The following MAP2 variants were observed in gnomAD, a reference collection of about 807,000 sequenced individuals.
MAP2 encodes microtubule-associated protein 2.
In MAP2, 14 loss-of-function variants were observed where a neutral mutation model predicts 137.6. The observed-to-expected ratio is 0.10, with a 90% CI of 0.07 to 0.16. The LOEUF (loss-of-function observed/expected upper bound fraction) is 0.16, where lower values mean the gene tolerates loss of function less well. Among genes scored for constraint, MAP2 ranks in the 10% least tolerant of loss-of-function variants. The pLI, the probability that MAP2 is intolerant of heterozygous loss-of-function variation, is 1.00. For missense variants in MAP2, 2,088 were observed against 2,191.5 expected (o/e 0.95, Z 0.94); for synonymous variants, 786 against 782.3 (o/e 1.00, Z -0.08).
chr2:209,652,171 C>A (rs532577792), intron 4 of MAP2, among the ~76,000 whole-genome samples: 1 of 152,142 alleles, frequency 6.6e-6, no homozygotes, highest in African/African-American at 2.4e-5. Context: ...GTAATATCAG[C>A]TTGTAAGAGA....
At chr2:209,633,924 A>C (rs755942778) in intron 4 of MAP2, among the ~76,000 whole-genome samples, 6 of 152,168 alleles carry the variant, frequency 3.9e-5, no homozygotes, top group Non-Finnish European at 7.3e-5. Flanking sequence ...CAGGAAAAGG[A>C]GGGCTTTCAC....
chr2:209,544,278 T>G (rs950353235), intron 2 of MAP2, among the ~76,000 whole-genome samples: 1 of 151,844 alleles, frequency 6.6e-6, no homozygotes, highest in South Asian at 2.1e-4. Context: ...TTAGTTTTTG[T>G]TTTGTTTTGT....
At chr2:209,451,220 T>C (rs1700223524) in intron 1 of MAP2, among the ~76,000 whole-genome samples, 1 of 152,192 alleles carries the variant, frequency 6.6e-6, no homozygotes, top group Non-Finnish European at 1.5e-5. Context: ...TAATCTTCAT[T>C]TGCTCATCAC....
intron 1 of MAP2, among the ~76,000 whole-genome samples, chr2:209,472,583 T>G (rs779326175): frequency 3.7e-4 from 57 of 152,290 alleles, no homozygotes; most frequent in South Asian, 1.0e-3. Context: ...ATCAAAGTAC[T>G]GACAAAGGCT....
At chr2:209,594,151 A>T (rs2080569035) in intron 3 of MAP2, among the ~76,000 whole-genome samples, 1 of 148,482 alleles carries the variant, frequency 6.7e-6, no homozygotes, top group African/African-American at 2.5e-5. Context: ...AAAAAAAAAA[A>T]AAAGCAGGCA....
intron 2 of MAP2, among the ~76,000 whole-genome samples, chr2:209,514,659 T>A (rs288049): frequency 0.45 from 68,736 of 151,532 alleles, 16,752 homozygotes; most frequent in African/African-American, 0.64. Context: ...AAAATAAAAT[T>A]AATGAATTTC....
intron 1 of MAP2, among the ~76,000 whole-genome samples, chr2:209,476,753 A>G (rs2149780200): frequency 6.6e-6 from 1 of 152,358 alleles, no homozygotes; most frequent in East Asian, 1.9e-4. Context: ...GCTTTTGAAT[A>G]TAATCCGTCT....
intron 1 of MAP2, among the ~76,000 whole-genome samples, chr2:209,438,057 G>A (rs1696794373): frequency 6.6e-6 from 1 of 151,590 alleles, no homozygotes. Context: ...GCATGAGACT[G>A]TACTATTGTT....
At chr2:209,616,158 C>T (rs2089277498) in intron 3 of MAP2, among the ~76,000 whole-genome samples, 1 of 152,056 alleles carries the variant, frequency 6.6e-6, no homozygotes, top group Admixed American at 6.5e-5. Flanking sequence ...ACAGAGGTAC[C>T]AGCTATAACA....
chr2:209,483,635 C>T (rs1467904057), intron 1 of MAP2, among the ~76,000 whole-genome samples: 2 of 152,008 alleles, frequency 1.3e-5, no homozygotes, highest in African/African-American at 4.8e-5. Context: ...TGTATTTTGT[C>T]GATATAGTCT....
Position 209,480,637 on chromosome 2 carries a change from T to C in MAP2, c.-221-26955T>C, listed in dbSNP as rs191491626. On this transcript the variant is annotated intron_variant, in intron 1 of 15. Coordinates refer to ENST00000682079, the MANE Select transcript of MAP2 (RefSeq NM_001375505.1). ...AACATGATGCTGCTTTATGTATCAG[T>C]CATTTTGTGTTGTTTGAGGTTAATA... Among the ~76,000 whole-genome samples the C allele has an allele frequency of 1.5e-4, 23 of 152,276 alleles. No homozygotes were observed. In the East Asian group the frequency reaches 3.9e-3, roughly 26 times the overall value.
intron 7 of MAP2, among the ~76,000 whole-genome samples, chr2:209,683,044 A>T (rs1290162705): frequency 6.6e-6 from 1 of 152,116 alleles, no homozygotes; most frequent in African/African-American, 2.4e-5. Context: ...CTTACTCTAT[A>T]TGGGATTTGG....
At chr2:209,495,841 C>G (rs2059689510) in intron 1 of MAP2, among the ~76,000 whole-genome samples, 1 of 152,144 alleles carries the variant, frequency 6.6e-6, no homozygotes, top group African/African-American at 2.4e-5. Flanking sequence ...CTCTAGCCTT[C>G]ATAAAACAAA....
At chr2:209,619,144 G>A (rs1012085940) in intron 3 of MAP2, among the ~76,000 whole-genome samples, 2 of 152,128 alleles carry the variant, frequency 1.3e-5, no homozygotes, top group Non-Finnish European at 2.9e-5. Flanking sequence ...GTATGCTGGG[G>A]AGATGTTGCT....
At chr2:209,571,025 A>G (rs2153372298) in intron 2 of MAP2, among the ~76,000 whole-genome samples, 1 of 152,076 alleles carries the variant, frequency 6.6e-6, no homozygotes, top group African/African-American at 2.4e-5. Context: ...TTTATTTACT[A>G]AAAGCCAATG....
intron 3 of MAP2, among the ~76,000 whole-genome samples, chr2:209,593,761 TATATA>T (rs1250081444): frequency 0.062 from 8 of 128 alleles, 1 homozygote; most frequent in Non-Finnish European, 0.18. Flanking sequence ...TTATATATAA[TATATA>T]ATATAATATA....
chr2:209,639,858 A>G (rs1292245201), intron 4 of MAP2, among the ~76,000 whole-genome samples: 1 of 151,914 alleles, frequency 6.6e-6, no homozygotes, highest in African/African-American at 2.4e-5. Flanking sequence ...TGGAGGTCAG[A>G]GATGAATTAA....
At chr2:209,524,131 A>G (rs2150436178) in intron 2 of MAP2, among the ~76,000 whole-genome samples, 1 of 152,264 alleles carries the variant, frequency 6.6e-6, no homozygotes, top group East Asian at 1.9e-4. Context: ...TTATTTTAGC[A>G]TTCTAGAAAG....
chr2:209,720,027 T>C (rs2153798885), intron 13 of MAP2, among the ~76,000 whole-genome samples: 1 of 152,232 alleles, frequency 6.6e-6, no homozygotes, highest in East Asian at 1.9e-4. Context: ...GATAATAACA[T>C]AAAACACAGG....
Sources: gnomAD v4.1 joint callset for allele counts (sites outside exome capture counted in the v4.1 genomes callset) on GRCh38, gnomAD v4.1.1 for gene constraint, MANE v1.5 for transcripts, NCBI Gene and HGNC (gene_info 2026-07-23, HGNC 2026-07-21) for gene names.